Variants in WARS2 observed in about 807,000 individuals in gnomAD.
The protein encoded by WARS2 is tryptophan--tRNA ligase, mitochondrial.
A neutral mutation model predicts 36.5 loss-of-function variants in WARS2; 28 were observed. That is an observed-to-expected ratio of 0.77 (90% confidence interval 0.57 to 1.05). The LOEUF (loss-of-function observed/expected upper bound fraction) is 1.05, where lower values mean the gene tolerates loss of function less well. Among genes scored for constraint, WARS2 ranks in the 50% least tolerant of loss-of-function variants. The pLI is 0.00. For synonymous variants in WARS2, 174 were observed against 178.4 expected (o/e 0.98, Z 0.20); for missense variants, 435 against 456.8 (o/e 0.95, Z 0.44).
chr1:119,097,796 T>C (rs587764595), intron 1 of WARS2, among the ~76,000 whole-genome samples: 10 of 152,278 alleles, frequency 6.6e-5, no homozygotes, highest in Admixed American at 5.9e-4. Context: ...TAGAAATGAA[T>C]ACTACATGAG....
intron 1 of WARS2, among the ~76,000 whole-genome samples, chr1:119,113,168 T>A (rs1042468447): frequency 6.6e-6 from 1 of 152,198 alleles, no homozygotes; most frequent in Non-Finnish European, 1.5e-5. Context: ...AATTTCTTAC[T>A]GTATGCAACA....
At chr1:119,135,711 T>TAGAC (rs1232135730) in intron 1 of WARS2, among the ~76,000 whole-genome samples, 4 of 123,158 alleles carry the variant, frequency 3.2e-5, no homozygotes, top group African/African-American at 5.9e-5. Flanking sequence ...ATAGATTAGA[T>TAGAC]AGACAGATAG....
chr1:119,097,754 A>G (rs746155989), intron 1 of WARS2, among the ~76,000 whole-genome samples: 13 of 152,200 alleles, frequency 8.5e-5, no homozygotes, highest in Non-Finnish European at 1.3e-4. Flanking sequence ...ACACCAACAG[A>G]GCGGAGATTC....
chr1:119,092,252 T>A (rs1190467204), intron 1 of WARS2, among the ~76,000 whole-genome samples: 1 of 152,176 alleles, frequency 6.6e-6, no homozygotes, highest in Non-Finnish European at 1.5e-5. Context: ...AGGGATGATA[T>A]GAGAATACGT....
intron 1 of WARS2, chr1:119,085,040 C>A: frequency 1.5e-6 from 1 of 667,834 alleles, no homozygotes; most frequent in East Asian, 2.6e-5. Context: ...ACTCCTGCTC[C>A]CGGCAGCGCT....
In WARS2 at chr1:119,076,628, C is replaced by A; in HGVS notation, c.91-21G>T. ...TCTTTCTGGAACAAAGGAAAACAAGCATATTTGCTTTTGAGGCAGAATCCC... is the reference window on the plus strand; with the variant it reads ...TCTTTCTGGAACAAAGGAAAACAAGAATATTTGCTTTTGAGGCAGAATCCC... On this transcript the variant is annotated intron_variant, in intron 1 of 5. Transcript: ENST00000235521. 1.9e-6 allele frequency: 3 copies of A among 1,612,950 alleles called. No individual in the cohort carries two copies. In the South Asian group the frequency reaches 3.3e-5, roughly 18 times the overall value.
intron 1 of WARS2, among the ~76,000 whole-genome samples, chr1:119,124,027 CT>C (rs1272582128): frequency 6.6e-6 from 1 of 152,168 alleles, no homozygotes; most frequent in African/African-American, 2.4e-5. Context: ...CTGATAACCC[CT>C]GATCTTCCCT....
intron 2 of WARS2, chr1:119,047,342 T>C (rs1230287086): frequency 2.6e-5 from 4 of 152,132 alleles, no homozygotes; most frequent in Non-Finnish European, 1.5e-5. Flanking sequence ...ATAATAACCA[T>C]GGATATGTGG....
intron 2 of WARS2, among the ~76,000 whole-genome samples, chr1:119,065,653 GAAAT>G (rs1303776216): frequency 6.9e-6 from 1 of 145,012 alleles, no homozygotes; most frequent in Non-Finnish European, 1.5e-5. Flanking sequence ...AAAAAAAAAG[GAAAT>G]AAATAAAAAA....
intron 1 of WARS2, among the ~76,000 whole-genome samples, chr1:119,134,319 C>CAAAAAAAAAAAAAAA (rs761321480): frequency 6.5e-4 from 43 of 65,798 alleles, no homozygotes; most frequent in East Asian, 2.1e-3. Flanking sequence ...GGCAAAGGGG[C>CAAAAAAAAAAAAAAA]AAAAAAAAAA....
At chr1:119,090,827 C>T (rs1431687579) in intron 1 of WARS2, among the ~76,000 whole-genome samples, 3 of 152,104 alleles carry the variant, frequency 2.0e-5, no homozygotes, top group Non-Finnish European at 2.9e-5. Flanking sequence ...GCCTGGACAT[C>T]GAGGCTGCAG....
At chr1:119,098,557 C>G (rs1653623838) in intron 1 of WARS2, among the ~76,000 whole-genome samples, 1 of 151,804 alleles carries the variant, frequency 6.6e-6, no homozygotes, top group Non-Finnish European at 1.5e-5. Context: ...CCTGCCTCAG[C>G]CTCCCGAGTC....
intron 4 of WARS2, among the ~76,000 whole-genome samples, chr1:119,041,418 C>A (rs1648355127): frequency 6.6e-6 from 1 of 152,100 alleles, no homozygotes; most frequent in Admixed American, 6.6e-5. Flanking sequence ...GGATCAGCAT[C>A]CTCAGGTGTA....
intron 1 of WARS2, among the ~76,000 whole-genome samples, chr1:119,078,688 T>C (rs921204908): frequency 2.6e-5 from 4 of 152,198 alleles, no homozygotes; most frequent in Non-Finnish European, 5.9e-5. Flanking sequence ...TGTCTTGTAT[T>C]GATTTCAGAA....
At position 119,032,776 on chromosome 1, in the gene WARS2, T is replaced by A; in HGVS notation, c.*135A>T. 1 of 822,328 alleles carries A rather than the reference T, an allele frequency of 1.2e-6. No individual in the cohort carries two copies. The highest frequency in any genetic ancestry group is 1.9e-6 in the Non-Finnish European group (1 of 535,200). The allele number at this position is 822,328 out of a possible 1,614,324, so 50.9% of individuals were successfully genotyped here. On this transcript the variant is annotated 3_prime_UTR_variant, in exon 6 of 6. Transcript: ENST00000235521. ...TTTCAAAGCTACAAAGCAATATTCATCAAATAAAGCCAATAATCAGCTATA... is the reference window on the plus strand; with the variant it reads ...TTTCAAAGCTACAAAGCAATATTCAACAAATAAAGCCAATAATCAGCTATA...
At chr1:119,059,860 T>C (rs765526213) in intron 2 of WARS2, among the ~76,000 whole-genome samples, 7 of 152,188 alleles carry the variant, frequency 4.6e-5, no homozygotes, top group Non-Finnish European at 7.3e-5. Flanking sequence ...CTGCACGTTC[T>C]TACTTATAGG....
At chr1:119,102,939 G>GT (rs587743798) in intron 1 of WARS2, among the ~76,000 whole-genome samples, 216 of 152,236 alleles carry the variant, frequency 1.4e-3, no homozygotes, top group Non-Finnish European at 2.6e-3. Flanking sequence ...TGCGTTGTTT[G>GT]TATTTTACAC....
intron 4 of WARS2, among the ~76,000 whole-genome samples, chr1:119,039,632 A>G (rs182391360): frequency 6.6e-6 from 1 of 152,234 alleles, no homozygotes; most frequent in Admixed American, 6.5e-5. Context: ...TCATACTCTC[A>G]AGCTGAAGAT....
At chr1:119,041,645 C>A (rs1333292950) in intron 4 of WARS2, among the ~76,000 whole-genome samples, 1 of 152,232 alleles carries the variant, frequency 6.6e-6, no homozygotes, top group African/African-American at 2.4e-5. Context: ...ACACATGTGG[C>A]TACTGGCTAC....
Sources: allele counts gnomAD v4.1 joint callset (sites outside exome capture counted in the v4.1 genomes callset), GRCh38; gene constraint gnomAD v4.1.1; transcripts MANE v1.5; gene names NCBI Gene and HGNC (gene_info 2026-07-23, HGNC 2026-07-21).